The following TRDN variants were observed in gnomAD, a reference collection of about 807,000 sequenced individuals.
TRDN encodes triadin in skeletal muscle.
A neutral mutation model predicts 149.7 loss-of-function variants in TRDN; 161 were observed. That is an observed-to-expected ratio of 1.08 (90% confidence interval 0.95 to 1.23). The LOEUF is 1.23. Among genes scored for constraint, TRDN ranks in the 50% most tolerant of loss-of-function variants. The probability of loss-of-function intolerance (pLI) is 0.00; values close to 1 mark genes in which losing one functional copy is unlikely to be tolerated. For missense variants in TRDN, 896 were observed against 823.5 expected, an observed-to-expected ratio of 1.09 and a Z score of -1.08; for synonymous variants, 294 against 250.5, an observed-to-expected ratio of 1.17 and a Z score of -1.64.
chr6:123,636,843 G>T lies in TRDN; in HGVS notation c.-68C>A. ...AGTTGCACTTTGCAGAGTATTTGGG[G>T]ATTTGAGAACTCTGGTGGAGGGTTC... On this transcript the variant is annotated 5_prime_UTR_variant, in exon 1 of 41. Transcript: ENST00000334268. 1.3e-6 allele frequency: 2 copies of T among 1,594,544 alleles called. No homozygotes were observed. Among genetic ancestry groups the T allele is most frequent in the South Asian group, 2.2e-5 (2 of 90,530 alleles).
rs202093230 is a variant in TRDN, at chr6:123,513,708, C to CT, written c.551-1347dup. Among the ~76,000 whole-genome samples the CT allele has an allele frequency of 5.8e-3, 878 of 151,686 alleles. 14 individuals are homozygous for CT. The highest frequency in any genetic ancestry group is 0.02 in the African/African-American group (830 of 41,374). On this transcript the variant is annotated intron_variant, in intron 6 of 40. Transcript: ENST00000334268. ...ATAACAATTATTTAACTGAAATTTT[C>CT]TTTTTTTTCTGTAGGTTATTGGGGT...
chr6:123,327,596 G>T (rs997267636), intron 23 of TRDN, among the ~76,000 whole-genome samples: 18 of 152,102 alleles, frequency 1.2e-4, no homozygotes, highest in African/African-American at 4.1e-4. Flanking sequence ...TTTCCATTGT[G>T]AATAGGGTAC....
At chr6:123,359,516 A>T (rs1038149691) in intron 20 of TRDN, among the ~76,000 whole-genome samples, 3 of 151,996 alleles carry the variant, frequency 2.0e-5, no homozygotes, top group Admixed American at 1.3e-4. Flanking sequence ...AAATAAAAAC[A>T]TGAGGGCAGC....
Position 123,230,844 on chromosome 6 carries a change from A to G in TRDN, c.1976-6713T>C, listed in dbSNP as rs527981789. 2.0e-5 allele frequency among the ~76,000 whole-genome samples: 3 copies of G among 152,124 alleles called. No homozygotes were observed. The South Asian group carries it at 6.2e-4, about 31-fold the overall frequency. Reference sequence around the variant, plus strand: ...TTACCTTGAAGGTTTCCTATGATTTATTCATTTAAGATAAAGTTACTTTTC... The same window carrying G: ...TTACCTTGAAGGTTTCCTATGATTTGTTCATTTAAGATAAAGTTACTTTTC... On this transcript the variant is annotated intron_variant, in intron 38 of 40. Transcript: ENST00000334268.
At chr6:123,476,105 G>C (rs1267790769) in intron 9 of TRDN, among the ~76,000 whole-genome samples, 1 of 134,800 alleles carries the variant, frequency 7.4e-6, no homozygotes, top group African/African-American at 2.8e-5. Context: ...ATTAGGAAAA[G>C]AGGAAGTGAA....
chr6:123,299,820 G>C (rs1778338939), intron 24 of TRDN, among the ~76,000 whole-genome samples: 1 of 151,910 alleles, frequency 6.6e-6, no homozygotes, highest in African/African-American at 2.4e-5. Context: ...AGTTGGATGA[G>C]AGAATGAAAA....
At chr6:123,505,511 A>G (rs548364458) in intron 7 of TRDN, among the ~76,000 whole-genome samples, 61 of 152,246 alleles carry the variant, frequency 4.0e-4, no homozygotes, top group Admixed American at 1.4e-3. Context: ...TTGATACTGT[A>G]TTAGGTATTG....
chr6:123,302,583 G>A (rs1168207048), intron 24 of TRDN, among the ~76,000 whole-genome samples: 1 of 152,080 alleles, frequency 6.6e-6, no homozygotes, highest in Admixed American at 6.6e-5. Flanking sequence ...TTGGTGCATA[G>A]TCATTCAACA....
intron 10 of TRDN, among the ~76,000 whole-genome samples, chr6:123,444,074 G>T (rs1442447866): frequency 6.7e-5 from 10 of 148,816 alleles, no homozygotes; most frequent in African/African-American, 1.5e-4. Context: ...TTGGTAGCTT[G>T]ATGGGGATGG....
chr6:123,468,854 T>A (rs1776990244), intron 9 of TRDN: 1 of 152,104 alleles, frequency 6.6e-6, no homozygotes, highest in Non-Finnish European at 1.5e-5. Context: ...GAGAGTTACA[T>A]CCAGAGAACT....
chr6:123,273,632 T>C (rs1039991150), intron 27 of TRDN, among the ~76,000 whole-genome samples: 1 of 152,040 alleles, frequency 6.6e-6, no homozygotes, highest in Admixed American at 6.6e-5. Context: ...AACAAGGCTG[T>C]TATGATCCTT....
chr6:123,590,334 T>C (rs1783718183), intron 1 of TRDN, among the ~76,000 whole-genome samples: 1 of 152,216 alleles, frequency 6.6e-6, no homozygotes, highest in South Asian at 2.1e-4. Context: ...GAGAATCTAA[T>C]GCCTGATGAT....
chr6:123,323,222 C>T (rs758841075), intron 23 of TRDN, among the ~76,000 whole-genome samples: 12 of 152,144 alleles, frequency 7.9e-5, no homozygotes, highest in Non-Finnish European at 5.9e-5. Flanking sequence ...ACTCACTAGA[C>T]GTTGAACCCT....
chr6:123,585,345 A>G (rs1783408952), intron 1 of TRDN, among the ~76,000 whole-genome samples: 1 of 151,878 alleles, frequency 6.6e-6, no homozygotes, highest in Non-Finnish European at 1.5e-5. Context: ...AGAGTTGGGG[A>G]CTTTTAAGAG....
intron 9 of TRDN, among the ~76,000 whole-genome samples, chr6:123,466,027 T>G (rs1438702830): frequency 1.3e-5 from 2 of 152,214 alleles, no homozygotes; most frequent in East Asian, 3.9e-4. Flanking sequence ...CTGTTCATCA[T>G]ATATGGTTCT....
intron 20 of TRDN, among the ~76,000 whole-genome samples, chr6:123,362,342 T>C (rs1412422148): frequency 6.6e-6 from 1 of 152,186 alleles, no homozygotes; most frequent in East Asian, 1.9e-4. Context: ...CTAAAGCATA[T>C]GTTTGAGTGT....
At chr6:123,331,998 T>G in intron 22 of TRDN, 69 bp from the exon 23 acceptor site, 1 of 1,218,172 alleles carries the variant, frequency 8.2e-7, no homozygotes, top group Admixed American at 2.5e-5. Flanking sequence ...ATAAATGAAG[T>G]CAGTAAGCTG....
At chr6:123,355,023 G>A (rs1048351385) in intron 20 of TRDN, among the ~76,000 whole-genome samples, 2 of 151,586 alleles carry the variant, frequency 1.3e-5, no homozygotes, top group Non-Finnish European at 3.0e-5. Context: ...AGTCTTTCCT[G>A]ATACCTAATA....
At chr6:123,545,488 C>G (rs995235761) in intron 4 of TRDN, among the ~76,000 whole-genome samples, 1 of 151,806 alleles carries the variant, frequency 6.6e-6, no homozygotes, top group Admixed American at 6.6e-5. Context: ...TCACTTTCAA[C>G]TAAGGTTTAT....
Sources: allele counts gnomAD v4.1 joint callset (sites outside exome capture counted in the v4.1 genomes callset), GRCh38; gene constraint gnomAD v4.1.1; transcripts MANE v1.5; gene names NCBI Gene and HGNC (gene_info 2026-07-23, HGNC 2026-07-21).